The following CNTN5 variants were observed in gnomAD, a reference collection of about 807,000 sequenced individuals.
CNTN5 encodes contactin 5, also known as contactin-5.
CNTN5 carries 77 observed loss-of-function variants against 129.1 expected under a neutral mutation model. That is an observed-to-expected ratio of 0.60 (90% CI 0.50 to 0.72). CNTN5 has a LOEUF of 0.72. Among genes scored for constraint, CNTN5 ranks in the 30% least tolerant of loss-of-function variants. The pLI, the probability that CNTN5 is intolerant of heterozygous loss-of-function variation, is 0.00. For synonymous variants in CNTN5, 509 were observed against 465.6 expected (o/e 1.09, Z -1.20); for missense variants, 1,478 against 1,328.8 (o/e 1.11, Z -1.75).
intron 1 of CNTN5, among the ~76,000 whole-genome samples, chr11:99,105,943 C>G (rs1317540770): frequency 6.6e-6 from 1 of 152,060 alleles, no homozygotes; most frequent in Non-Finnish European, 1.5e-5. Context: ...GGACTTAGAA[C>G]AATTTTCATT....
At chr11:99,113,685 G>C (rs1857905831) in intron 1 of CNTN5, among the ~76,000 whole-genome samples, 1 of 152,022 alleles carries the variant, frequency 6.6e-6, no homozygotes, top group African/African-American at 2.4e-5. Flanking sequence ...ATGAAATTTT[G>C]CCAGTGAAGT....
intron 8 of CNTN5, among the ~76,000 whole-genome samples, chr11:99,979,390 A>C (rs1938194788): frequency 6.6e-6 from 1 of 152,192 alleles, no homozygotes. Context: ...AGAGTTTGTG[A>C]ATTGCCCCAA....
At chr11:100,013,788 T>A (rs1174373273) in intron 9 of CNTN5, among the ~76,000 whole-genome samples, 1 of 152,220 alleles carries the variant, frequency 6.6e-6, no homozygotes, top group Admixed American at 6.5e-5. Context: ...ATTGCTACTT[T>A]TAAAGCCGAT....
At chr11:100,215,809 T>TA (rs1033110624) in intron 15 of CNTN5, among the ~76,000 whole-genome samples, 3 of 152,048 alleles carry the variant, frequency 2.0e-5, no homozygotes, top group African/African-American at 4.8e-5. Flanking sequence ...AGGGGCAGAA[T>TA]CAATGCCCTG....
At chr11:99,288,740 T>C (rs777168259) in intron 1 of CNTN5, among the ~76,000 whole-genome samples, 17 of 151,910 alleles carry the variant, frequency 1.1e-4, no homozygotes, top group Non-Finnish European at 2.5e-4. Context: ...AAAGGCTCTA[T>C]GAAAACAAAT....
chr11:100,268,359 A>G (rs951248556), intron 17 of CNTN5, among the ~76,000 whole-genome samples: 2 of 152,216 alleles, frequency 1.3e-5, no homozygotes, highest in African/African-American at 4.8e-5. Context: ...AAGAATAAAA[A>G]TTATGAAAAT....
intron 1 of CNTN5, among the ~76,000 whole-genome samples, chr11:99,158,709 A>G (rs1033269570): frequency 4.6e-5 from 7 of 152,212 alleles, no homozygotes; most frequent in Non-Finnish European, 7.3e-5. Flanking sequence ...TAAAGTTTAC[A>G]GACAACGTAA....
At chr11:100,006,548 A>G (rs987423259) in intron 9 of CNTN5, among the ~76,000 whole-genome samples, 2 of 152,164 alleles carry the variant, frequency 1.3e-5, no homozygotes, top group Non-Finnish European at 2.9e-5. Flanking sequence ...ATCCATAAGA[A>G]GCAACTCTTC....
intron 8 of CNTN5, among the ~76,000 whole-genome samples, chr11:99,972,266 ATAAG>A (rs1387133704): frequency 1.3e-5 from 2 of 152,066 alleles, no homozygotes; most frequent in African/African-American, 4.8e-5. Flanking sequence ...GTTTCAAAAA[ATAAG>A]TAAATAAATA....
intron 8 of CNTN5, among the ~76,000 whole-genome samples, chr11:99,966,405 G>C (rs1951094531): frequency 1.3e-5 from 2 of 152,156 alleles, no homozygotes; most frequent in Non-Finnish European, 1.5e-5. Flanking sequence ...AGCCAGAGGA[G>C]AGATGCATTA....
At chr11:100,009,687 C>CTT (rs1295150562) in intron 9 of CNTN5, among the ~76,000 whole-genome samples, 1 of 152,114 alleles carries the variant, frequency 6.6e-6, no homozygotes, top group Non-Finnish European at 1.5e-5. Context: ...AGTGGAAGCT[C>CTT]TTTGCCTGAA....
rs897878663 is a variant in CNTN5 at position 100,308,293 on chromosome 11, G to A, written c.2621-66G>A. The stretch of plus-strand genomic sequence containing the variant: ...GGTAAGAGGAATTTAACACCTGACA[G>A]ACTCAGGCGCAATACTTTGATGGAC... On this transcript the variant is annotated intron_variant, in intron 20 of 24. Transcript: ENST00000524871. 16 of 1,412,946 alleles carry A rather than the reference G, an allele frequency of 1.1e-5. No homozygotes were observed. In the South Asian group the frequency reaches 1.7e-4, roughly 15 times the overall value. 87.5% of individuals were successfully genotyped at this position (1,412,946 alleles called of 1,614,324 possible). A position where few individuals can be genotyped will look rare whatever the true frequency, so the allele number is the denominator to read the frequency against.
At chr11:99,332,935 T>C (rs1359543840) in intron 2 of CNTN5, among the ~76,000 whole-genome samples, 1 of 152,076 alleles carries the variant, frequency 6.6e-6, no homozygotes, top group Non-Finnish European at 1.5e-5. Context: ...GTATTTCTTT[T>C]TCCTTTGTAA....
At chr11:99,153,656 C>A (rs1860182889) in intron 1 of CNTN5, among the ~76,000 whole-genome samples, 1 of 152,164 alleles carries the variant, frequency 6.6e-6, no homozygotes, top group South Asian at 2.1e-4. Context: ...CCACTTCAGG[C>A]AAGTTAAGAA....
intron 3 of CNTN5, among the ~76,000 whole-genome samples, chr11:99,725,072 A>G (rs1459023235): frequency 1.3e-5 from 2 of 152,212 alleles, no homozygotes; most frequent in African/African-American, 4.8e-5. Context: ...GCCCAGCAAA[A>G]GGGAAAATAC....
intron 14 of CNTN5, 139 bp downstream of exon 14, chr11:100,191,392 A>G (rs1948488028): frequency 1.7e-6 from 1 of 603,016 alleles, no homozygotes; most frequent in African/African-American, 1.9e-5. Context: ...GCAAACATAG[A>G]ACTAAAACAG....
At chr11:99,569,265 A>C (rs1480037236) in intron 3 of CNTN5, among the ~76,000 whole-genome samples, 1 of 152,076 alleles carries the variant, frequency 6.6e-6, no homozygotes, top group Non-Finnish European at 1.5e-5. Flanking sequence ...AATCCTTGCT[A>C]TGAATGCTTG....
chr11:99,476,003 C>T (rs182155447), intron 2 of CNTN5, among the ~76,000 whole-genome samples: 3 of 152,140 alleles, frequency 2.0e-5, no homozygotes, highest in African/African-American at 7.2e-5. Flanking sequence ...CTGTGAGCAT[C>T]TGGCCTAACA....
At chr11:99,197,191 AAT>A (rs1455946897) in intron 1 of CNTN5, among the ~76,000 whole-genome samples, 2 of 152,010 alleles carry the variant, frequency 1.3e-5, no homozygotes, top group African/African-American at 4.8e-5. Flanking sequence ...AAGAATGATT[AAT>A]ATGTTAGATA....
Sources: gnomAD v4.1 joint callset for allele counts (sites outside exome capture counted in the v4.1 genomes callset) on GRCh38, gnomAD v4.1.1 for gene constraint, MANE v1.5 for transcripts, NCBI Gene and HGNC (gene_info 2026-07-23, HGNC 2026-07-21) for gene names.